The following PCDHGA4 variants were observed in gnomAD, a reference collection of about 807,000 sequenced individuals.
PCDHGA4 encodes protocadherin gamma subfamily A, 4, also known as protocadherin gamma-A4.
In PCDHGA4, 38 loss-of-function variants were observed where a neutral mutation model predicts 54.6. That is an observed-to-expected ratio of 0.70 (90% CI 0.54 to 0.91). The LOEUF (loss-of-function observed/expected upper bound fraction) is 0.91, where lower values mean the gene tolerates loss of function less well. PCDHGA4 is among the 40% of genes least tolerant of loss of function. The pLI, the probability that PCDHGA4 is intolerant of heterozygous loss-of-function variation, is 0.00. For missense variants in PCDHGA4, 1,298 were observed against 1,220.9 expected (o/e 1.06, Z -0.94); for synonymous variants, 511 against 512.9 (o/e 1.00, Z 0.05).
At chr5:141,379,014 T>C (rs1440666109) in intron 1 of PCDHGA4, 2 of 152,222 alleles carry the variant, frequency 1.3e-5, no homozygotes, top group South Asian at 4.1e-4. Context: ...TCTCCAGTCA[T>C]GAGTTGGAAG....
chr5:141,415,690 G>C (rs1218128531), intron 1 of PCDHGA4: 4 of 1,512,972 alleles, frequency 2.6e-6, no homozygotes, highest in Non-Finnish European at 3.6e-6. Context: ...CATGATGGTG[G>C]AAAGTGTAAA....
Position 141,399,399 on chromosome 5 carries a change from C to T in PCDHGA4, c.2514+41778C>T, listed in dbSNP as rs1282174658. 1.9e-6 allele frequency: 3 copies of T among 1,613,902 alleles called. No individual in the cohort carries two copies. The Admixed American group carries it at 5.0e-5, about 27-fold the overall frequency. The stretch of plus-strand genomic sequence containing the variant: ...TCACCATCACAGCCACAGACAGGGG[C>T]AAGCCGCCCCTCTCCTCCAGCATAA... On this transcript the variant is annotated intron_variant, in intron 1 of 3. Transcript: ENST00000571252.
intron 1 of PCDHGA4, among the ~76,000 whole-genome samples, chr5:141,447,978 C>T (rs759162070): frequency 1.1e-4 from 17 of 151,694 alleles, no homozygotes; most frequent in East Asian, 3.9e-4. Flanking sequence ...CCCAGCTACT[C>T]GGGAGGCTGA....
At chr5:141,482,999 T>G (rs1031397558) in intron 1 of PCDHGA4, among the ~76,000 whole-genome samples, 3 of 151,950 alleles carry the variant, frequency 2.0e-5, no homozygotes, top group Non-Finnish European at 2.9e-5. Flanking sequence ...GCAGGAGAAT[T>G]GCTTGAACCC....
rs775092851 is a variant in PCDHGA4 at position 141,388,890 on chromosome 5, A to G, written c.2514+31269A>G. ...GCAATGCACAGTGGAGGTAGAAGTC[A>G]TAGATGAAAATGACAACGCCCCAGA... On this transcript the variant is annotated intron_variant, in intron 1 of 3. Coordinates refer to ENST00000571252, the MANE Select transcript of PCDHGA4 (RefSeq NM_018917.4). The G allele has an allele frequency of 3.7e-6, 6 of 1,613,888 alleles. No individual in the cohort carries two copies. The African/African-American group carries it at 6.7e-5, about 18-fold the overall frequency.
chr5:141,371,377 C>T (rs1767709786), intron 1 of PCDHGA4: 3 of 1,614,006 alleles, frequency 1.9e-6, no homozygotes, highest in Non-Finnish European at 2.5e-6. Flanking sequence ...GGACATCACA[C>T]TGCATATTGT....
At chr5:141,372,558 G>A in intron 1 of PCDHGA4, 1 of 1,614,002 alleles carries the variant, frequency 6.2e-7, no homozygotes, top group Non-Finnish European at 8.5e-7. Flanking sequence ...CTCCAGACCC[G>A]CCACTGAGGG....
At chr5:141,429,597 G>A (rs937301997) in intron 1 of PCDHGA4, among the ~76,000 whole-genome samples, 2 of 152,094 alleles carry the variant, frequency 1.3e-5, no homozygotes, top group Non-Finnish European at 2.9e-5. Flanking sequence ...TGTAATTCAA[G>A]TAAACTCAAT....
chr5:141,421,149 C>T (rs1030911066), intron 1 of PCDHGA4: 1 of 1,086,106 alleles, frequency 9.2e-7, no homozygotes, highest in Non-Finnish European at 1.3e-6. Context: ...ATGTAGTCGG[C>T]CTAGGACTTC....
intron 1 of PCDHGA4, among the ~76,000 whole-genome samples, chr5:141,359,359 C>A: frequency 6.6e-6 from 1 of 151,714 alleles, no homozygotes; most frequent in East Asian, 1.9e-4. Context: ...GTTTTAAAGG[C>A]CTAGGAAAGC....
intron 1 of PCDHGA4, chr5:141,392,785 T>C: frequency 1.3e-6 from 2 of 1,549,118 alleles, no homozygotes; most frequent in Non-Finnish European, 1.7e-6. Flanking sequence ...ACAGTGAAGA[T>C]TCTGAGAGGA....
chr5:141,429,390 A>T (rs556289214), intron 1 of PCDHGA4, among the ~76,000 whole-genome samples: 3,394 of 150,296 alleles, frequency 0.023, 54 homozygotes, highest in South Asian at 0.043. Context: ...TTTTTTTTAA[A>T]AAAAATTGAG....
At chr5:141,439,727 C>G (rs940325016) in intron 1 of PCDHGA4, 2 of 152,406 alleles carry the variant, frequency 1.3e-5, no homozygotes, top group Non-Finnish European at 2.9e-5. Context: ...AAATTATAAG[C>G]AGGAACGGAA....
chr5:141,414,486 AACGG>A, intron 1 of PCDHGA4: 1 of 1,613,938 alleles, frequency 6.2e-7, no homozygotes, highest in Non-Finnish European at 8.5e-7. Flanking sequence ...CTCCTCTATC[AACGG>A]AAGCTCACTT....
In PCDHGA4 at chr5:141,357,153, G is replaced by C; in HGVS notation, c.2046G>C (p.Gln682His). Residue 682 changes from glutamine (Q) to histidine (H), a missense_variant, in exon 1 of 4, where the codon CAG (glutamine) becomes CAC (histidine). Coordinates refer to ENST00000571252, the MANE Select transcript of PCDHGA4 (RefSeq NM_018917.4). ...TAGTGGTCGTCCAGGACCATGGCCA[G>C]CCCCCTCTCTCGGCCACCGTCACAC... is the stretch of plus-strand genomic sequence containing the variant. Reference protein sequence around the residue: ...RLVVVVQDHGQPPLSATVTLT... With the variant: ...RLVVVVQDHGHPPLSATVTLT... The C allele has an allele frequency of 1.9e-6, 3 of 1,613,624 alleles. No homozygotes were observed. The South Asian group carries it at 3.3e-5, about 18-fold the overall frequency.
chr5:141,423,489 T>C (rs764165685), intron 1 of PCDHGA4: 1 of 1,614,016 alleles, frequency 6.2e-7, no homozygotes, highest in South Asian at 1.1e-5. Context: ...TGCAAACCTA[T>C]TCCCACGAGG....
At chr5:141,438,633 TATACACACAC>T (rs1369232099) in intron 1 of PCDHGA4, among the ~76,000 whole-genome samples, 454 of 33,892 alleles carry the variant, frequency 0.013, 1 homozygote, top group Non-Finnish European at 0.019. Flanking sequence ...TATATATATA[TATACACACAC>T]ACACACACAT....
chr5:141,407,591 C>T (rs878883569), intron 1 of PCDHGA4, among the ~76,000 whole-genome samples: 1 of 151,680 alleles, frequency 6.6e-6, no homozygotes, highest in Non-Finnish European at 1.5e-5. Flanking sequence ...CTTAATGTCT[C>T]ATCTTAAAAA....
chr5:141,375,200 G>C (rs755732164), intron 1 of PCDHGA4: 3 of 1,613,940 alleles, frequency 1.9e-6, no homozygotes, highest in Non-Finnish European at 2.5e-6. Flanking sequence ...TCAAGTGTTC[G>C]ATCGAGACTC....
Sources: gnomAD v4.1 joint callset for allele counts (sites outside exome capture counted in the v4.1 genomes callset) on GRCh38, gnomAD v4.1.1 for gene constraint, MANE v1.5 for transcripts, NCBI Gene and HGNC (gene_info 2026-07-23, HGNC 2026-07-21) for gene names.